The following LARP6 variants were observed in gnomAD, a reference collection of about 807,000 sequenced individuals.
LARP6 encodes the protein La ribonucleoprotein 6, translational regulator.
A neutral mutation model predicts 32.8 loss-of-function variants in LARP6; 18 were observed. The observed-to-expected ratio is 0.55, with a 90% CI of 0.38 to 0.81. LARP6 has a LOEUF of 0.81. LARP6 is among the 40% of genes least tolerant of loss of function. The probability of loss-of-function intolerance (pLI) is 0.00; values close to 1 mark genes in which losing one functional copy is unlikely to be tolerated. For synonymous variants in LARP6, 289 were observed against 267.2 expected (o/e 1.08, Z -0.80); for missense variants, 598 against 663.1 (o/e 0.90, Z 1.08).
chr15:70,832,594 C>A lies in LARP6; in HGVS notation c.934G>T (p.Ala312Ser). 1 of 1,597,478 alleles carries A rather than the reference C, an allele frequency of 6.3e-7. No homozygotes were observed. The highest frequency in any genetic ancestry group is 8.5e-7 in the Non-Finnish European group (1 of 1,173,404). The part of the protein sequence containing the change: ...KDKNHDEEPT[A>S]SIHLNKSLNK... ...AGGGACTTGTTCAGGTGGATGCTCG[C>A]AGTGGGCTCCTCGTCATGATTTTTG... The change falls in exon 3 of 3, where the codon GCG becomes TCG. Residue 312 changes from alanine to serine, a missense_variant. By Grantham distance (99) the Ala-to-Ser change is moderately conservative. This residue lies in a region of LARP6 where 368 missense variants were observed against 397.9 expected (regional missense o/e 0.92). Coordinates refer to ENST00000299213, the MANE Select transcript of LARP6 (RefSeq NM_018357.4).
At chr15:70,834,352 G>A (rs1052584075) in intron 2 of LARP6, among the ~76,000 whole-genome samples, 2 of 152,180 alleles carry the variant, frequency 1.3e-5, no homozygotes, top group Non-Finnish European at 2.9e-5. Context: ...GCAGGCCCAG[G>A]CAAAGGGTCG....
rs1208570166 is a variant in LARP6, at chr15:70,854,040, G to C, written c.49C>G (p.Gln17Glu). Residue 17 changes from glutamine (Q) to glutamate (E), a missense_variant, in exon 1 of 3, where the codon CAG becomes GAG. Gln to Glu is a conservative substitution (Grantham distance 29, BLOSUM62 2). This residue lies in a region of LARP6 where 161 missense variants were observed against 148.6 expected (regional missense o/e 1.08). Transcript: ENST00000299213. ...EARPGPKTAV[Q>E]IRVAIQEAED... ...GCCTCCTGGATGGCGACGCGGATCT[G>C]CACCGCCGTCTTGGGCCCGGGCCGA... 9 of 1,440,718 alleles carry C rather than the reference G, an allele frequency of 6.2e-6. No individual in the cohort carries two copies. Among genetic ancestry groups the C allele is most frequent in the Non-Finnish European group, 8.3e-6 (9 of 1,089,870 alleles). The allele number at this position is 1,440,718 out of a possible 1,614,324, so 89.2% of individuals were successfully genotyped here. A position where few individuals can be genotyped will look rare whatever the true frequency, so the allele number is the denominator to read the frequency against.
rs2032565642 is a variant in LARP6 at position 70,853,897 on chromosome 15, G to GCGGCT, written c.187_191dup (p.Gly65AlafsTer30). The GCGGCT allele has an allele frequency of 2.3e-6, 3 of 1,317,036 alleles. No homozygotes were observed. Among genetic ancestry groups the GCGGCT allele is most frequent in the Non-Finnish European group, 1.9e-6 (2 of 1,030,276 alleles). 81.6% of individuals were successfully genotyped at this position (1,317,036 alleles called of 1,614,324 possible). On this transcript the variant is annotated frameshift_variant, in exon 1 of 3. Transcript: ENST00000299213. LOFTEE classifies it high-confidence loss of function. Reference sequence around the variant, plus strand: ...CCAGCCGCCGCGCCTACCTGTGCCCGCGGCTCGGCTCCTCCTCGCTCGCGC... The same window carrying GCGGCT: ...CCAGCCGCCGCGCCTACCTGTGCCCGCGGCTCGGCTCGGCTCCTCCTCGCTCGCGC...
At chr15:70,843,864 C>G (rs931065618) in intron 1 of LARP6, among the ~76,000 whole-genome samples, 3 of 151,800 alleles carry the variant, frequency 2.0e-5, no homozygotes, top group African/African-American at 7.3e-5. Flanking sequence ...CCGTGTTGCC[C>G]AGGCTGGCCT....
chr15:70,833,435 C>A (rs2032092177), intron 2 of LARP6, among the ~76,000 whole-genome samples: 1 of 152,184 alleles, frequency 6.6e-6, no homozygotes, highest in Non-Finnish European at 1.5e-5. Flanking sequence ...GCTGTATACA[C>A]AAATCAAAGG....
Position 70,831,331 on chromosome 15 carries a change from G to T in LARP6, c.*721C>A, listed in dbSNP as rs2032036610. On this transcript the variant is annotated 3_prime_UTR_variant, in exon 3 of 3. Transcript: ENST00000299213. ...TGGGGTACAGTGAGAAACCCTAAAT[G>T]CCCTGACTTGATCACTATGCATTAT... 1 of 152,192 alleles carries T rather than the reference G, an allele frequency of 6.6e-6. No individual in the cohort carries two copies. The allele number at this position is 152,192 out of a possible 1,614,324, so 9.4% of individuals were successfully genotyped here.
chr15:70,848,130 T>C (rs1302669989), intron 1 of LARP6, among the ~76,000 whole-genome samples: 1 of 152,216 alleles, frequency 6.6e-6, no homozygotes, highest in African/African-American at 2.4e-5. Flanking sequence ...ATTGAAAACA[T>C]ATACAGGTAT....
chr15:70,831,729 A>C lies in LARP6; in HGVS notation c.*323T>G. On this transcript the variant is annotated 3_prime_UTR_variant, in exon 3 of 3. Coordinates refer to ENST00000299213, the MANE Select transcript of LARP6 (RefSeq NM_018357.4). ...GAAGGGAAAAATTCCATACCAAAGA[A>C]GAGAGAAAAATTCCATACCAAAGAA... The C allele has an allele frequency of 5.1e-6, 1 of 194,470 alleles. No homozygotes were observed. The highest frequency in any genetic ancestry group is 1.0e-5 in the Non-Finnish European group (1 of 96,528). 12.0% of individuals were successfully genotyped at this position (194,470 alleles called of 1,614,324 possible).
intron 1 of LARP6, chr15:70,853,214 A>ACCCCCCCCCCCCCCCCCC (rs10709838): frequency 9.9e-6 from 1 of 100,846 alleles, no homozygotes; most frequent in African/African-American, 3.6e-5. Flanking sequence ...ACCCAGGAAC[A>ACCCCCCCCCCCCCCCCCC]CCCCCCCCCC....
intron 1 of LARP6, chr15:70,851,797 AGAG>A: frequency 1.3e-6 from 2 of 1,595,566 alleles, no homozygotes; most frequent in Non-Finnish European, 1.7e-6. Context: ...CTACAGCAAC[AGAG>A]AAGAAAGGAA....
intron 1 of LARP6, chr15:70,849,889 G>A (rs1282818025): frequency 6.6e-6 from 1 of 152,032 alleles, no homozygotes; most frequent in African/African-American, 2.4e-5. Flanking sequence ...CTCTTTAGGA[G>A]AAACTTTTGT....
Position 70,836,428 on chromosome 15 carries a change from A to T in LARP6, c.278T>A (p.Ile93Asn). The change falls in exon 2 of 3, where the codon ATC (isoleucine) becomes AAC (asparagine). Residue 93 changes from isoleucine to asparagine, a missense_variant. Coordinates refer to ENST00000299213, the MANE Select transcript of LARP6 (RefSeq NM_018357.4). ...TTCGATCTGATCCACCAGTTTCTTGATCAACTCCTCATCCGGGGGCTTCCA... is the reference window on the plus strand; with the variant it reads ...TTCGATCTGATCCACCAGTTTCTTGTTCAACTCCTCATCCGGGGGCTTCCA... ...QEWKPPDEELIKKLVDQIEFY... is the reference protein window; with the variant it reads ...QEWKPPDEELNKKLVDQIEFY... 1 of 1,614,126 alleles carries T rather than the reference A, an allele frequency of 6.2e-7. No homozygotes were observed. Among genetic ancestry groups the T allele is most frequent in the Non-Finnish European group, 8.5e-7 (1 of 1,180,032 alleles).
chr15:70,842,669 C>T (rs2032278541), intron 1 of LARP6, among the ~76,000 whole-genome samples: 1 of 152,214 alleles, frequency 6.6e-6, no homozygotes, highest in African/African-American at 2.4e-5. Flanking sequence ...GGGAAGCTGA[C>T]CTTCCTTTCA....
rs766967169 is a variant in LARP6, at chr15:70,829,965, C to G, written c.*2087G>C. The G allele has an allele frequency of 6.5e-6, 1 of 152,928 alleles. No individual in the cohort carries two copies. The highest frequency in any genetic ancestry group is 1.5e-5 in the Non-Finnish European group (1 of 68,466). The allele number at this position is 152,928 out of a possible 1,614,324, so 9.5% of individuals were successfully genotyped here. On this transcript the variant is annotated 3_prime_UTR_variant, in exon 3 of 3. Transcript: ENST00000299213. ...AAGAGCTGGTGAAGCCCAGATGGCC[C>G]GATGGCCAAGGAGCAGGTGGAGTGG...
At chr15:70,834,796 C>A (rs1421485617) in intron 2 of LARP6, among the ~76,000 whole-genome samples, 1 of 152,242 alleles carries the variant, frequency 6.6e-6, no homozygotes, top group African/African-American at 2.4e-5. Context: ...AGCGTTCATC[C>A]TTGTGCAATT....
intron 1 of LARP6, among the ~76,000 whole-genome samples, chr15:70,839,860 A>T (rs545591326): frequency 7.6e-4 from 116 of 152,194 alleles, no homozygotes; most frequent in African/African-American, 2.6e-3. Context: ...TTGAATGTGG[A>T]TGTGATGGTT....
At chr15:70,848,950 T>C (rs1297113043) in intron 1 of LARP6, 2 of 152,226 alleles carry the variant, frequency 1.3e-5, no homozygotes, top group African/African-American at 4.8e-5. Flanking sequence ...AATAAGTAAT[T>C]ATGTTAATGT....
At chr15:70,837,653 G>T (rs2141051049) in intron 1 of LARP6, among the ~76,000 whole-genome samples, 1 of 152,228 alleles carries the variant, frequency 6.6e-6, no homozygotes, top group African/African-American at 2.4e-5. Flanking sequence ...GTGGATACAT[G>T]ACCACTGCCT....
intron 1 of LARP6, among the ~76,000 whole-genome samples, chr15:70,846,429 C>G (rs565272700): frequency 1.3e-5 from 2 of 152,158 alleles, no homozygotes; most frequent in South Asian, 4.1e-4. Flanking sequence ...GGCAACGTAG[C>G]AAGACCCTGT....
Sources: gnomAD v4.1 joint callset for allele counts (sites outside exome capture counted in the v4.1 genomes callset) on GRCh38, gnomAD v4.1.1 for gene constraint, gnomAD v4.1.1 regional missense constraint, MANE v1.5 for transcripts, NCBI Gene and HGNC (gene_info 2026-07-23, HGNC 2026-07-21) for gene names.